Variants in SUFU observed in about 807,000 individuals in gnomAD.
SUFU encodes the protein SUFU negative regulator of hedgehog signaling, also known as suppressor of fused homolog.
In SUFU, 7 loss-of-function variants were observed where a neutral mutation model predicts 58.9. The observed-to-expected ratio is 0.12, with a 90% CI of 0.07 to 0.22. The LOEUF (loss-of-function observed/expected upper bound fraction) is 0.22, where lower values mean the gene tolerates loss of function less well. SUFU is among the 10% of genes least tolerant of loss of function. SUFU has a pLI of 1.00. For missense variants in SUFU, 451 were observed against 641.3 expected (o/e 0.70, Z 3.20); for synonymous variants, 232 against 254.8 (o/e 0.91, Z 0.85).
At chr10:102,504,407 TGTGGGAG>T (rs2135599323) in intron 1 of SUFU, 73 bp downstream of exon 1, 5 of 1,588,274 alleles carry the variant, frequency 3.1e-6, no homozygotes, top group Non-Finnish European at 4.3e-6. Context: ...CGAAGTAATT[TGTGGGAG>T]GTGGGAGGAG....
At chr10:102,513,315 G>A (rs974585215) in intron 2 of SUFU, among the ~76,000 whole-genome samples, 6 of 152,196 alleles carry the variant, frequency 3.9e-5, no homozygotes, top group African/African-American at 1.2e-4. Context: ...AGGGGCGCTG[G>A]GTTGGAATGA....
At chr10:102,623,478 T>A (rs2063759896) in intron 10 of SUFU, among the ~76,000 whole-genome samples, 1 of 152,256 alleles carries the variant, frequency 6.6e-6, no homozygotes, top group Non-Finnish European at 1.5e-5. Flanking sequence ...AGGTTGGGAC[T>A]GCTGATTTTC....
At chr10:102,552,020 C>T (rs994518792) in intron 3 of SUFU, among the ~76,000 whole-genome samples, 2 of 151,912 alleles carry the variant, frequency 1.3e-5, no homozygotes, top group Non-Finnish European at 2.9e-5. Flanking sequence ...CCACTGTGCC[C>T]GACCTTATTA....
rs372216490 is a variant in SUFU at position 102,536,847 on chromosome 10, G to T, written c.318-13123G>T. On this transcript the variant is annotated intron_variant, in intron 2 of 11. Transcript: ENST00000369902. ...ACTTTTTGAGATGGAGTCTTACTCT[G>T]TTGCCCAGGCTAGAGTGCAGTGGTG... Among the ~76,000 whole-genome samples, 53 of 151,878 alleles carry T rather than the reference G, an allele frequency of 3.5e-4. No homozygotes were observed. The South Asian group carries it at 0.011, about 30-fold the overall frequency.
At chr10:102,552,823 A>C (rs2062932973) in intron 3 of SUFU, among the ~76,000 whole-genome samples, 1 of 152,284 alleles carries the variant, frequency 6.6e-6, no homozygotes, top group South Asian at 2.1e-4. Context: ...TATGAAGAGA[A>C]GCTAAAGCAA....
chr10:102,571,634 G>C (rs1269111445), intron 3 of SUFU, among the ~76,000 whole-genome samples: 1 of 152,230 alleles, frequency 6.6e-6, no homozygotes, highest in Non-Finnish European at 1.5e-5. Flanking sequence ...AGGTTGCAGT[G>C]AGTCAAGATT....
intron 3 of SUFU, among the ~76,000 whole-genome samples, chr10:102,552,345 A>T (rs2062928677): frequency 6.6e-6 from 1 of 151,966 alleles, no homozygotes; most frequent in Non-Finnish European, 1.5e-5. Flanking sequence ...AGGTAGGAGG[A>T]CCATTTGAGC....
chr10:102,612,645 C>T (rs1460557348), intron 8 of SUFU, among the ~76,000 whole-genome samples: 3 of 152,224 alleles, frequency 2.0e-5, no homozygotes, highest in African/African-American at 7.2e-5. Flanking sequence ...CTGGGATTCT[C>T]TAGCACGCCC....
chr10:102,563,608 GCTGCAGTGAGCCAGGATCATGCCA>G lies in SUFU; in HGVS notation c.454+13532_454+13555del, dbSNP rs560729774. On this transcript the variant is annotated intron_variant, in intron 3 of 11. Coordinates refer to ENST00000369902, the MANE Select transcript of SUFU (RefSeq NM_016169.4). ...GATAGATTGAGTCCGGGAGGTTGAG[GCTGCAGTGAGCCAGGATCATGCCA>G]CTGCAGTGAGCCAGGATCATGCCAC... 4.7e-4 allele frequency among the ~76,000 whole-genome samples: 71 copies of G among 151,938 alleles called. No homozygotes were observed. The East Asian group carries it at 0.012, about 26-fold the overall frequency.
chr10:102,581,173 C>T (rs1247345221), intron 3 of SUFU, among the ~76,000 whole-genome samples: 4 of 107,950 alleles, frequency 3.7e-5, no homozygotes, highest in Non-Finnish European at 7.0e-5. Flanking sequence ...GAGAGAGACT[C>T]TGTCTCCAAA....
chr10:102,509,976 C>T (rs772889704), intron 2 of SUFU, among the ~76,000 whole-genome samples: 3 of 151,912 alleles, frequency 2.0e-5, no homozygotes, highest in Non-Finnish European at 2.9e-5. Flanking sequence ...GTAGCTGGGA[C>T]GACAGGCAAG....
At chr10:102,522,148 T>C in intron 2 of SUFU, among the ~76,000 whole-genome samples, 1 of 152,240 alleles carries the variant, frequency 6.6e-6, no homozygotes, top group East Asian at 1.9e-4. Context: ...TTCTAGATTC[T>C]GAAAACAGCA....
At chr10:102,592,866 C>G in intron 4 of SUFU, 142 bp downstream of exon 4, 1 of 959,840 alleles carries the variant, frequency 1.0e-6, no homozygotes, top group South Asian at 1.4e-5. Context: ...GATGGTTTGT[C>G]AGGTAGATTC....
intron 3 of SUFU, among the ~76,000 whole-genome samples, chr10:102,565,604 G>T (rs974356180): frequency 1.3e-5 from 2 of 152,190 alleles, no homozygotes; most frequent in Non-Finnish European, 2.9e-5. Flanking sequence ...GAGTGCAGTG[G>T]CGCGATCTCG....
intron 7 of SUFU, among the ~76,000 whole-genome samples, chr10:102,598,192 G>T (rs1330177516): frequency 6.6e-6 from 1 of 150,990 alleles, no homozygotes; most frequent in East Asian, 1.9e-4. Flanking sequence ...GGTCTCTGTT[G>T]CCCAGGCTGG....
chr10:102,614,433 C>T (rs894905049), intron 8 of SUFU, among the ~76,000 whole-genome samples: 1 of 151,142 alleles, frequency 6.6e-6, no homozygotes, highest in Non-Finnish European at 1.5e-5. Context: ...TGGCAGGTCC[C>T]TGTAATCCCA....
intron 3 of SUFU, among the ~76,000 whole-genome samples, chr10:102,563,172 C>CT (rs34565789): frequency 6.6e-6 from 1 of 152,072 alleles, no homozygotes; most frequent in African/African-American, 2.4e-5. Flanking sequence ...GGAAAAGGAG[C>CT]TTTTTCATCA....
chr10:102,584,198 G>C (rs1371783476), intron 3 of SUFU, among the ~76,000 whole-genome samples: 1 of 152,226 alleles, frequency 6.6e-6, no homozygotes, highest in African/African-American at 2.4e-5. Context: ...GTTAGGGATG[G>C]AGGCAAATAG....
chr10:102,624,004 G>T (rs187575115), intron 10 of SUFU, among the ~76,000 whole-genome samples: 1 of 152,124 alleles, frequency 6.6e-6, no homozygotes, highest in African/African-American at 2.4e-5. Context: ...GGCAAAGTGG[G>T]GATGATAGTC....
Sources: allele counts gnomAD v4.1 joint callset (sites outside exome capture counted in the v4.1 genomes callset), GRCh38; gene constraint gnomAD v4.1.1; transcripts MANE v1.5; gene names NCBI Gene and HGNC (gene_info 2026-07-23, HGNC 2026-07-21).